Variants in PLEKHG1 observed in about 807,000 individuals in gnomAD.
PLEKHG1 encodes the protein pleckstrin homology and RhoGEF domain containing G1.
A neutral mutation model predicts 100.8 loss-of-function variants in PLEKHG1; 44 were observed. The observed-to-expected ratio is 0.44, with a 90% CI of 0.34 to 0.56. The LOEUF (loss-of-function observed/expected upper bound fraction) is 0.56, where lower values mean the gene tolerates loss of function less well. Among genes scored for constraint, PLEKHG1 ranks in the 20% least tolerant of loss-of-function variants. The pLI is 0.01. For synonymous variants in PLEKHG1, 640 were observed against 662.5 expected (o/e 0.97, Z 0.52); for missense variants, 1,545 against 1,720.9 (o/e 0.90, Z 1.81).
chr6:150,626,178 A>G (rs1280034094), intron 1 of PLEKHG1: 2 of 152,158 alleles, frequency 1.3e-5, no homozygotes, highest in African/African-American at 4.8e-5. Flanking sequence ...TGTTGTACAA[A>G]ATGCATAAGA....
At chr6:150,691,299 A>G (rs375204418) in intron 3 of PLEKHG1, among the ~76,000 whole-genome samples, 1 of 152,094 alleles carries the variant, frequency 6.6e-6, no homozygotes, top group Non-Finnish European at 1.5e-5. Flanking sequence ...ATCTACTGGT[A>G]TTTTTATATT....
At chr6:150,661,988 A>T (rs1304732766) in intron 3 of PLEKHG1, among the ~76,000 whole-genome samples, 1 of 152,146 alleles carries the variant, frequency 6.6e-6, no homozygotes, top group African/African-American at 2.4e-5. Context: ...TCCCGAGAGA[A>T]GGATGAGGAG....
intron 3 of PLEKHG1, among the ~76,000 whole-genome samples, chr6:150,707,650 C>G (rs1203157542): frequency 1.3e-5 from 2 of 152,080 alleles, no homozygotes; most frequent in African/African-American, 4.8e-5. Flanking sequence ...ACCCCAACCC[C>G]AAGCCCCCCA....
chr6:150,694,561 G>A (rs755614146), intron 3 of PLEKHG1, among the ~76,000 whole-genome samples: 1 of 152,028 alleles, frequency 6.6e-6, no homozygotes, highest in Admixed American at 6.6e-5. Context: ...TTAGCCCAGT[G>A]TGGGGGTGGG....
chr6:150,663,567 T>C (rs910782348), intron 3 of PLEKHG1: 2 of 151,452 alleles, frequency 1.3e-5, no homozygotes, highest in East Asian at 3.9e-4. Flanking sequence ...TTTTTTTTTT[T>C]TTTTGAGATG....
chr6:150,738,030 T>C (rs1012426391), intron 2 of PLEKHG1, among the ~76,000 whole-genome samples: 33 of 151,510 alleles, frequency 2.2e-4, no homozygotes, highest in African/African-American at 8.0e-4. Flanking sequence ...TCCAGGCTGG[T>C]CTCAAACTGC....
chr6:150,839,247 T>C (rs1323089405), intron 15 of PLEKHG1, among the ~76,000 whole-genome samples: 1 of 152,200 alleles, frequency 6.6e-6, no homozygotes, highest in Non-Finnish European at 1.5e-5. Flanking sequence ...CCCAAGTAGC[T>C]GGGACTACAG....
intron 4 of PLEKHG1, among the ~76,000 whole-genome samples, chr6:150,791,318 C>A (rs1249104754): frequency 6.6e-6 from 1 of 151,896 alleles, no homozygotes; most frequent in African/African-American, 2.4e-5. Flanking sequence ...AAATTGATTA[C>A]CAATGGAGGA....
intron 1 of PLEKHG1, among the ~76,000 whole-genome samples, chr6:150,624,279 GGCCCTC>G (rs1777421594): frequency 6.6e-6 from 1 of 152,014 alleles, no homozygotes; most frequent in East Asian, 1.9e-4. Flanking sequence ...TTCGCTCAGG[GGCCCTC>G]ACACCCTGCC....
chr6:150,602,772 T>TCTC (rs1471892645), intron 1 of PLEKHG1, among the ~76,000 whole-genome samples: 1 of 152,160 alleles, frequency 6.6e-6, no homozygotes, highest in Non-Finnish European at 1.5e-5. Flanking sequence ...TTCTCTTCTC[T>TCTC]CTCCCCTGCC....
chr6:150,782,142 G>T (rs1233738005), intron 3 of PLEKHG1, among the ~76,000 whole-genome samples: 1 of 152,038 alleles, frequency 6.6e-6, no homozygotes, highest in Admixed American at 6.6e-5. Flanking sequence ...CAGTAGCCAG[G>T]CGTGGGGGCT....
At position 150,756,450 on chromosome 6, in the gene PLEKHG1, G is replaced by T. The variant is rs186498757; in HGVS notation, c.412-12188G>T. On this transcript the variant is annotated intron_variant, in intron 2 of 15. Transcript: ENST00000358517. ...ACAATGAGCGGAATAACTTAGCCAT[G>T]AGTTTCCATATTTAGCAGCAGATTA... is the stretch of plus-strand genomic sequence containing the variant. 5.3e-5 allele frequency among the ~76,000 whole-genome samples: 8 copies of T among 152,316 alleles called. No homozygotes were observed. The East Asian group carries it at 1.5e-3, about 29-fold the overall frequency.
At chr6:150,809,764 G>A (rs1437159849) in intron 10 of PLEKHG1, 30 bp downstream of exon 11, 2 of 1,519,410 alleles carry the variant, frequency 1.3e-6, no homozygotes, top group South Asian at 1.1e-5. Context: ...ACAGTGAAAT[G>A]GGAGAGAGAT....
At chr6:150,821,420 A>G (rs1336548445) in intron 13 of PLEKHG1, among the ~76,000 whole-genome samples, 187 bp downstream of exon 14, 1 of 152,180 alleles carries the variant, frequency 6.6e-6, no homozygotes, top group African/African-American at 2.4e-5. Flanking sequence ...ACAGTAGCTC[A>G]CGCCTGTAAT....
At chr6:150,762,348 C>T (rs977212047) in intron 2 of PLEKHG1, among the ~76,000 whole-genome samples, 1 of 140,144 alleles carries the variant, frequency 7.1e-6, no homozygotes, top group African/African-American at 3.0e-5. Context: ...CGCCACCAAG[C>T]CCGGCTAATT....
intron 1 of PLEKHG1, among the ~76,000 whole-genome samples, chr6:150,731,795 A>G (rs1279719562): frequency 6.6e-6 from 1 of 152,172 alleles, no homozygotes; most frequent in Non-Finnish European, 1.5e-5. Flanking sequence ...CTATGAAATA[A>G]TGAGATGTGG....
At chr6:150,686,113 C>G (rs748560833) in intron 3 of PLEKHG1, among the ~76,000 whole-genome samples, 1 of 152,230 alleles carries the variant, frequency 6.6e-6, no homozygotes, top group South Asian at 2.1e-4. Context: ...AGGGGGCACA[C>G]GGGAGCAGTG....
chr6:150,737,581 C>T lies in PLEKHG1; in HGVS notation c.411+3489C>T, dbSNP rs185506583. Among the ~76,000 whole-genome samples, 83 of 152,262 alleles carry T rather than the reference C, an allele frequency of 5.5e-4. 1 individual carries two copies. Among genetic ancestry groups the T allele is most frequent in the African/African-American group, 1.9e-3 (80 of 41,556 alleles). ...TGCTGGGATTACAGGCGTGAGCCACCGCGCCCGGCCTGGGTATTCTTTTAA... is the reference window on the plus strand; with the variant it reads ...TGCTGGGATTACAGGCGTGAGCCACTGCGCCCGGCCTGGGTATTCTTTTAA... On this transcript the variant is annotated intron_variant, in intron 2 of 15. Transcript: ENST00000358517.
At chr6:150,784,961 A>C (rs1304849400) in intron 3 of PLEKHG1, among the ~76,000 whole-genome samples, 2 of 151,934 alleles carry the variant, frequency 1.3e-5, no homozygotes, top group Non-Finnish European at 2.9e-5. Context: ...CACACTACCC[A>C]GCGCTTCAGA....
Sources: allele counts gnomAD v4.1 joint callset (sites outside exome capture counted in the v4.1 genomes callset), GRCh38; gene constraint gnomAD v4.1.1; transcripts MANE v1.5; gene names NCBI Gene and HGNC (gene_info 2026-07-23, HGNC 2026-07-21).